The following RABEP1 variants were observed in gnomAD, a reference collection of about 807,000 sequenced individuals.
RABEP1 encodes rabaptin, RAB GTPase binding effector protein 1, also known as rab GTPase-binding effector protein 1.
A neutral mutation model predicts 123.4 loss-of-function variants in RABEP1; 51 were observed. That is an observed-to-expected ratio of 0.41 (90% CI 0.33 to 0.52). RABEP1 has a LOEUF of 0.52. Among genes scored for constraint, RABEP1 ranks in the 20% least tolerant of loss-of-function variants. The pLI is 0.16. For synonymous variants in RABEP1, 347 were observed against 355.2 expected, an observed-to-expected ratio of 0.98 and a Z score of 0.26; for missense variants, 888 against 996.3, an observed-to-expected ratio of 0.89 and a Z score of 1.46.
chr17:5,363,118 A>G, intron 10 of RABEP1, 102 bp downstream of exon 10: 3 of 809,950 alleles, frequency 3.7e-6, no homozygotes. Flanking sequence ...TACATTATGA[A>G]GCATATCCAT....
intron 2 of RABEP1, among the ~76,000 whole-genome samples, chr17:5,311,493 G>A (rs111602324): frequency 2.0e-5 from 3 of 151,796 alleles, no homozygotes; most frequent in African/African-American, 4.8e-5. Context: ...TCATGAGTTC[G>A]AGACCAGCTG....
At chr17:5,311,610 C>T (rs919349333) in intron 2 of RABEP1, among the ~76,000 whole-genome samples, 5 of 144,950 alleles carry the variant, frequency 3.4e-5, no homozygotes, top group South Asian at 2.3e-4. Flanking sequence ...GCAGGAGAAT[C>T]GCTTGAACCT....
At chr17:5,356,458 A>G (rs1043024673) in intron 8 of RABEP1, 2 of 164,574 alleles carry the variant, frequency 1.2e-5, no homozygotes, top group Non-Finnish European at 2.7e-5. Flanking sequence ...TGCTTATAAT[A>G]TGCTTTTCTC....
chr17:5,377,522 T>A lies in RABEP1; in HGVS notation c.2215+217T>A, dbSNP rs967737473. 2.4e-4 allele frequency among the ~76,000 whole-genome samples: 34 copies of A among 139,714 alleles called. No homozygotes were observed. The East Asian group carries it at 2.6e-3, about 11-fold the overall frequency. The allele number at this position is 139,714 out of a possible 152,430, so 91.7% of individuals were successfully genotyped here. On this transcript the variant is annotated intron_variant, in intron 14 of 17. Coordinates refer to ENST00000537505, the MANE Select transcript of RABEP1 (RefSeq NM_004703.6). ...CAGAAATTCTGGTTATTTAAAAAAT[T>A]TTTTTTTTTTTTTTTTTTTTTGAGA...
intron 11 of RABEP1, among the ~76,000 whole-genome samples, chr17:5,367,417 AC>A (rs1434422763): frequency 6.6e-6 from 1 of 150,440 alleles, no homozygotes; most frequent in Non-Finnish European, 1.5e-5. Flanking sequence ...GACTACAGGC[AC>A]CCGCCACCAC....
At chr17:5,282,890 A>C (rs1025173566) in intron 1 of RABEP1, among the ~76,000 whole-genome samples, 17 of 152,048 alleles carry the variant, frequency 1.1e-4, no homozygotes, top group African/African-American at 4.1e-4. Flanking sequence ...TATTCGTTAA[A>C]GAAAAAAAAT....
At chr17:5,362,724 CATACTT>C (rs908832192) in intron 9 of RABEP1, among the ~76,000 whole-genome samples, 182 bp from the exon 10 acceptor site, 1 of 152,170 alleles carries the variant, frequency 6.6e-6, no homozygotes, top group African/African-American at 2.4e-5. Context: ...TGTGTCCTAT[CATACTT>C]GTACTGGAGA....
chr17:5,310,068 C>CT (rs1172137690), intron 2 of RABEP1, among the ~76,000 whole-genome samples: 1 of 152,162 alleles, frequency 6.6e-6, no homozygotes, highest in Admixed American at 6.5e-5. Context: ...ATTTGCATTT[C>CT]TAATAAGCTC....
intron 12 of RABEP1, 66 bp from the exon 13 acceptor site, chr17:5,373,248 C>T: frequency 6.7e-7 from 1 of 1,494,640 alleles, no homozygotes; most frequent in Non-Finnish European, 9.0e-7. Context: ...TTGTTTTTCT[C>T]TGGTGTAGCT....
intron 12 of RABEP1, among the ~76,000 whole-genome samples, chr17:5,370,378 A>G (rs555481975): frequency 1.3e-5 from 2 of 152,346 alleles, no homozygotes; most frequent in Admixed American, 1.3e-4. Flanking sequence ...CATCCTTAAA[A>G]TTTAACCAGT....
At chr17:5,378,412 G>T (rs899992403) in intron 15 of RABEP1, 180 bp downstream of exon 15, 1 of 685,350 alleles carries the variant, frequency 1.5e-6, no homozygotes, top group Non-Finnish European at 2.7e-6. Flanking sequence ...AGAGTGCCCT[G>T]TGTGTCAGGC....
intron 2 of RABEP1, among the ~76,000 whole-genome samples, chr17:5,317,305 A>G (rs935745090): frequency 6.6e-6 from 1 of 152,208 alleles, no homozygotes; most frequent in Non-Finnish European, 1.5e-5. Context: ...GAAAATCAGT[A>G]GGATAAAAAA....
rs1369124401 is a variant in RABEP1, at chr17:5,384,678, A to G, written c.*1455A>G. ...TACATACCTCATCTCTTGGGTTATT[A>G]TTGTAGTCTTGCATTCATGGTTATG... On this transcript the variant is annotated 3_prime_UTR_variant, in exon 18 of 18. Transcript: ENST00000537505. 2 of 213,344 alleles carry G rather than the reference A, an allele frequency of 9.4e-6. No individual in the cohort carries two copies. The highest frequency in any genetic ancestry group is 1.9e-5 in the Non-Finnish European group (2 of 105,916). 13.2% of individuals were successfully genotyped at this position (213,344 alleles called of 1,614,324 possible). A position where few individuals can be genotyped will look rare whatever the true frequency, so the allele number is the denominator to read the frequency against.
At chr17:5,343,670 C>CTTTTTTTTTTTTTTT (rs753410845) in intron 5 of RABEP1, among the ~76,000 whole-genome samples, 21 of 99,938 alleles carry the variant, frequency 2.1e-4, no homozygotes, top group East Asian at 3.7e-4. Context: ...TTTCTTTTCT[C>CTTTTTTTTTTTTTTT]TTTTTTTTTT....
rs1229334504 is a variant in RABEP1, at chr17:5,380,431, A to G, written c.2339A>G (p.Glu780Gly). 1 of 1,563,464 alleles carries G rather than the reference A, an allele frequency of 6.4e-7. No individual in the cohort carries two copies. The highest frequency in any genetic ancestry group is 1.9e-5 in the Admixed American group (1 of 52,658). The change falls in exon 16 of 18, where the codon GAA (glutamate) becomes GGA (glycine). Residue 780 changes from glutamate (E) to glycine (G), a missense_variant. Coordinates refer to ENST00000537505, the MANE Select transcript of RABEP1 (RefSeq NM_004703.6). Reference sequence around the variant, plus strand: ...CTTCAGGAAATAAAGATCAGTTTGGAAGAGCAGTTAAAGAAAGAGACTGCT... The same window carrying G: ...CTTCAGGAAATAAAGATCAGTTTGGGAGAGCAGTTAAAGAAAGAGACTGCT... ...ESLQEIKISLEEQLKKETAAK... is the reference protein window; with the variant it reads ...ESLQEIKISLGEQLKKETAAK...
chr17:5,298,255 G>T (rs182747631), intron 1 of RABEP1, among the ~76,000 whole-genome samples: 37 of 152,200 alleles, frequency 2.4e-4, no homozygotes, highest in Non-Finnish European at 3.8e-4. Flanking sequence ...CCAAGTGTAG[G>T]GAGATAAGGA....
intron 5 of RABEP1, among the ~76,000 whole-genome samples, chr17:5,345,264 T>C (rs1272873939): frequency 6.6e-6 from 1 of 152,208 alleles, no homozygotes; most frequent in African/African-American, 2.4e-5. Flanking sequence ...TGCTTCTCTG[T>C]ATTTTCTCCT....
At chr17:5,347,068 C>G (rs1453240713) in intron 6 of RABEP1, 143 bp downstream of exon 6, 1 of 689,188 alleles carries the variant, frequency 1.5e-6, no homozygotes, top group Non-Finnish European at 2.1e-6. Flanking sequence ...TTTAAATGTA[C>G]TCATGCAAAG....
intron 2 of RABEP1, among the ~76,000 whole-genome samples, chr17:5,319,363 CAT>C (rs1165186327): frequency 8.3e-6 from 1 of 120,710 alleles, no homozygotes; most frequent in Admixed American, 7.9e-5. Context: ...AAAAAAAAAA[CAT>C]ATATATTTTT....
Sources: gnomAD v4.1 joint callset for allele counts (sites outside exome capture counted in the v4.1 genomes callset) on GRCh38, gnomAD v4.1.1 for gene constraint, MANE v1.5 for transcripts, NCBI Gene and HGNC (gene_info 2026-07-23, HGNC 2026-07-21) for gene names.